LPCAT3: variants seen among roughly 807,000 people sequenced by gnomAD.
The protein encoded by LPCAT3 is lysophospholipid acyltransferase 5.
A neutral mutation model predicts 63.4 loss-of-function variants in LPCAT3; 21 were observed. That is an observed-to-expected ratio of 0.33 (90% CI 0.23 to 0.48). The LOEUF (loss-of-function observed/expected upper bound fraction) is 0.48. Ranked by LOEUF, LPCAT3 falls within the 20% of genes least tolerant of loss-of-function variation. The pLI is 0.99. For missense variants in LPCAT3, 451 were observed against 590.6 expected, an observed-to-expected ratio of 0.76 and a Z score of 2.45; for synonymous variants, 242 against 227.5, an observed-to-expected ratio of 1.06 and a Z score of -0.58.
At chr12:6,998,306 AT>A (rs1946655321) in intron 1 of LPCAT3, among the ~76,000 whole-genome samples, 2 of 152,310 alleles carry the variant, frequency 1.3e-5, no homozygotes, top group South Asian at 4.1e-4. Flanking sequence ...GTGAGCTACT[AT>A]GTTTGGCCGT....
At chr12:6,981,306 G>T (rs1480875912) in intron 5 of LPCAT3, 124 bp from the exon 6 acceptor site, 8 of 796,858 alleles carry the variant, frequency 1.0e-5, no homozygotes, top group African/African-American at 6.9e-5. Context: ...CTCTTTGGGG[G>T]ATGACAAATA....
rs182644557 is a variant in LPCAT3, at chr12:6,987,988, G to T, written c.152-4449C>A. 1.7e-3 allele frequency: 653 copies of T among 395,444 alleles called. 3 individuals are homozygous for T. Among genetic ancestry groups the T allele is most frequent in the African/African-American group, 0.012 (564 of 48,576 alleles). 24.5% of individuals were successfully genotyped at this position (395,444 alleles called of 1,614,324 possible). A position where few individuals can be genotyped will look rare whatever the true frequency, so the allele number is the denominator to read the frequency against. On this transcript the variant is annotated intron_variant, in intron 1 of 12. Coordinates refer to ENST00000261407, the MANE Select transcript of LPCAT3 (RefSeq NM_005768.6). This position sits in a 1 kb window ranked among gnomAD's most constrained non-coding sequence, Gnocchi z 4.1. ...TGAACTTTTGGGGTGCTTGGCAATA[G>T]TTCCTCTCCCTACTCCTAATTTACG...
intron 1 of LPCAT3, among the ~76,000 whole-genome samples, chr12:7,014,027 C>A (rs782664747): frequency 1.3e-5 from 2 of 152,378 alleles, no homozygotes; most frequent in Admixed American, 1.3e-4. Context: ...TGTGTTGCCA[C>A]ATTCACACCT....
At chr12:6,990,167 T>C (rs1212088120) in intron 1 of LPCAT3, among the ~76,000 whole-genome samples, 1 of 138,772 alleles carries the variant, frequency 7.2e-6, no homozygotes, top group Non-Finnish European at 1.6e-5. Flanking sequence ...AACAAAGTTG[T>C]TTTTTTTGAG....
At chr12:6,996,424 A>C (rs782365667) in intron 1 of LPCAT3, among the ~76,000 whole-genome samples, 2 of 151,402 alleles carry the variant, frequency 1.3e-5, no homozygotes, top group Non-Finnish European at 2.9e-5. Context: ...TGCTTTTTCT[A>C]TTTTTCTTCT....
chr12:6,983,356 C>G (rs1474157289), intron 2 of LPCAT3, 76 bp downstream of exon 2: 6 of 960,326 alleles, frequency 6.2e-6, no homozygotes, highest in Non-Finnish European at 8.2e-6. Context: ...TAGATTCTCT[C>G]AAGGAAATTT....
In LPCAT3 at chr12:6,987,954, G is replaced by A. The variant is rs1946544384; in HGVS notation, c.152-4415C>T. 1 of 397,476 alleles carries A rather than the reference G, an allele frequency of 2.5e-6. No individual in the cohort carries two copies. The highest frequency in any genetic ancestry group is 4.5e-6 in the Non-Finnish European group (1 of 224,700). 24.6% of individuals were successfully genotyped at this position (397,476 alleles called of 1,614,324 possible). ...TTTCCTTGCTACTCTGGGATCAACA[G>A]TCACCTCTTGAACTTTTGGGGTGCT... On this transcript the variant is annotated intron_variant, in intron 1 of 12. Transcript: ENST00000261407. The surrounding 1 kb of genome is among the most constrained non-coding windows in gnomAD (Gnocchi z 4.1).
intron 1 of LPCAT3, among the ~76,000 whole-genome samples, chr12:6,993,819 T>C (rs1946610685): frequency 6.6e-6 from 1 of 152,194 alleles, no homozygotes; most frequent in African/African-American, 2.4e-5. Flanking sequence ...ACTATGTTGC[T>C]CAGGCTGGTC....
At chr12:6,982,309 G>A (rs1221088313) in intron 3 of LPCAT3, among the ~76,000 whole-genome samples, 1 of 152,164 alleles carries the variant, frequency 6.6e-6, no homozygotes, top group Non-Finnish European at 1.5e-5. Flanking sequence ...AAGGTGCTGG[G>A]ATTACAGGTG....
chr12:6,996,117 C>G (rs782469259), intron 1 of LPCAT3, among the ~76,000 whole-genome samples: 1 of 152,232 alleles, frequency 6.6e-6, no homozygotes, highest in African/African-American at 2.4e-5. Flanking sequence ...TCTGCCCGGG[C>G]CCCACTGTCC....
chr12:6,988,349 A>G (rs1555155031), intron 1 of LPCAT3: 1 of 152,322 alleles, frequency 6.6e-6, no homozygotes. Context: ...GCCGCCGTGG[A>G]GAAGGAAGAA....
At chr12:6,978,848 C>T in intron 7 of LPCAT3, 159 bp from the exon 8 acceptor site, 1 of 994,522 alleles carries the variant, frequency 1.0e-6, no homozygotes, top group Non-Finnish European at 1.4e-6. Context: ...TCACAATAGG[C>T]AGAGAGGAAT....
chr12:6,995,893 TATC>T (rs1946632252), intron 1 of LPCAT3, among the ~76,000 whole-genome samples: 1 of 152,188 alleles, frequency 6.6e-6, no homozygotes. Context: ...ATTATTAATA[TATC>T]ATTATTATAT....
rs1401647121 is a variant in LPCAT3 at position 7,017,778 on chromosome 12, G to C, written c.151+496C>G. On this transcript the variant is annotated intron_variant, in intron 1 of 12. Transcript: ENST00000261407. The surrounding 1 kb of genome is among the most constrained non-coding windows in gnomAD (Gnocchi z 4.1). ...AGTAGGACTGGGACAGAAAAGAGAC[G>C]AAAGTATAATATAAGCTGGCAATAA... is the stretch of plus-strand genomic sequence containing the variant. 3.3e-5 allele frequency among the ~76,000 whole-genome samples: 5 copies of C among 152,208 alleles called. No homozygotes were observed. The highest frequency in any genetic ancestry group is 1.2e-4 in the African/African-American group (5 of 41,446).
chr12:6,977,027 G>T lies in LPCAT3; in HGVS notation c.*12+107C>A. On this transcript the variant is annotated intron_variant, in intron 12 of 12. Transcript: ENST00000261407. The surrounding 1 kb of genome is among the most constrained non-coding windows in gnomAD (Gnocchi z 4.5). Reference sequence around the variant, plus strand: ...CCATACTGTGTTCCTTAGTAGCCAGGCTAATCCTTGGAATTCACCCCAGAT... The same window carrying T: ...CCATACTGTGTTCCTTAGTAGCCAGTCTAATCCTTGGAATTCACCCCAGAT... 1 of 748,802 alleles carries T rather than the reference G, an allele frequency of 1.3e-6. No individual in the cohort carries two copies. 46.4% of individuals were successfully genotyped at this position (748,802 alleles called of 1,614,324 possible).
chr12:6,977,155 C>G lies in LPCAT3; in HGVS notation c.1455G>C (p.Lys485Asn), dbSNP rs1405137368. 7 of 1,602,018 alleles carry G rather than the reference C, an allele frequency of 4.4e-6. No homozygotes were observed. The African/African-American group carries it at 9.4e-5, about 21-fold the overall frequency. Residue 485 changes from lysine to asparagine, a missense_variant, in exon 12 of 13, where the codon AAG (lysine) becomes AAC (asparagine). This residue lies in a region of LPCAT3 where 304 missense variants were observed against 390.8 expected (regional missense o/e 0.78). Coordinates refer to ENST00000261407, the MANE Select transcript of LPCAT3 (RefSeq NM_005768.6). This position sits in a 1 kb window ranked among gnomAD's most constrained non-coding sequence, Gnocchi z 4.5. ...TTACCAGGGAAATGGATTATTCCAT[C>G]TTCTTTAACTTCTCTTTCCTTGGCA... The part of the protein sequence containing the change: ...AMVPRKEKLK[K>N]ME
At chr12:6,984,745 C>T (rs1555154592) in intron 1 of LPCAT3, among the ~76,000 whole-genome samples, 2 of 152,038 alleles carry the variant, frequency 1.3e-5, no homozygotes, top group Admixed American at 6.6e-5. Flanking sequence ...TGCCACCATG[C>T]CTGGCTATTT....
chr12:6,993,347 T>C (rs1236659260), intron 1 of LPCAT3, among the ~76,000 whole-genome samples: 1 of 151,862 alleles, frequency 6.6e-6, no homozygotes, highest in African/African-American at 2.4e-5. Flanking sequence ...GGGAGGAGAA[T>C]TGCTTGAACC....
intron 1 of LPCAT3, among the ~76,000 whole-genome samples, chr12:7,002,944 G>C (rs1311293412): frequency 6.6e-6 from 1 of 152,192 alleles, no homozygotes; most frequent in Non-Finnish European, 1.5e-5. Context: ...GGAAGGCAGA[G>C]GTTGCAGTGA....
Sources: gnomAD v4.1 joint callset for allele counts (sites outside exome capture counted in the v4.1 genomes callset) on GRCh38, gnomAD v4.1.1 for gene constraint, gnomAD v4.1.1 regional missense constraint, Gnocchi (gnomAD v3.1) non-coding constraint, MANE v1.5 for transcripts, NCBI Gene and HGNC (gene_info 2026-07-23, HGNC 2026-07-21) for gene names.